Variants in MAX observed in about 807,000 individuals in gnomAD.
MAX encodes the protein MYC associated transcriptional regulator X.
A neutral mutation model predicts 22.3 loss-of-function variants in MAX; 3 were observed. The ratio of observed to expected loss-of-function variants is 0.13; its 90% confidence interval spans 0.06 to 0.35. The LOEUF (loss-of-function observed/expected upper bound fraction) is 0.35, where lower values mean the gene tolerates loss of function less well. Among genes scored for constraint, MAX ranks in the 10% least tolerant of loss-of-function variants. MAX has a pLI of 1.00. For missense variants in MAX, 119 were observed against 209.4 expected (o/e 0.57, Z 2.66); for synonymous variants, 72 against 77.7 (o/e 0.93, Z 0.39).
intron 3 of MAX, among the ~76,000 whole-genome samples, chr14:65,008,154 C>T (rs2061625374): frequency 6.6e-6 from 1 of 152,190 alleles, no homozygotes; most frequent in Non-Finnish European, 1.5e-5. Context: ...TGCTTACATG[C>T]CAGGTGCTTA....
Position 65,029,980 on chromosome 14 carries a change from T to C in MAX, c.172-23696A>G, listed in dbSNP as rs1208010515. ...CAAGGATGGAAAGTTAGTGGACAAA[T>C]TCAAATTTGAGAGCTGCGATGACTG... On this transcript the variant is annotated intron_variant, in intron 3 of 3. Coordinates refer to the MAX transcript ENST00000341653. This position sits in a 1 kb window ranked among gnomAD's most constrained non-coding sequence, Gnocchi z 4.7. Among the ~76,000 whole-genome samples, 2 of 152,118 alleles carry C rather than the reference T, an allele frequency of 1.3e-5. No homozygotes were observed. The highest frequency in any genetic ancestry group is 2.9e-5 in the Non-Finnish European group (2 of 68,018).
rs1382828229 is a variant in MAX, at chr14:65,029,172, T to C, written c.172-22888A>G. ...CTGCCATTCGTGCCCGTGCTTTCTA[T>C]TTACATAAAGGATTAAAGATATGAA... On this transcript the variant is annotated intron_variant, in intron 3 of 3. Coordinates refer to the MAX transcript ENST00000341653. The surrounding 1 kb of genome is among the most constrained non-coding windows in gnomAD (Gnocchi z 4.7). 6.6e-6 allele frequency among the ~76,000 whole-genome samples: 1 copy of C among 152,194 alleles called. No individual in the cohort carries two copies. The highest frequency in any genetic ancestry group is 2.4e-5 in the African/African-American group (1 of 41,446).
rs1354176739 is a variant in MAX, at chr14:65,032,917, C to G, written c.172-26633G>C. On this transcript the variant is annotated intron_variant, in intron 3 of 3. Transcript: ENST00000341653. This position sits in a 1 kb window ranked among gnomAD's most constrained non-coding sequence, Gnocchi z 5.0. ...ATTTTAGATTGGCAAAGATAAAAAACTTTGGTAAACAATATTAGTGAGAGC... is the reference window on the plus strand; with the variant it reads ...ATTTTAGATTGGCAAAGATAAAAAAGTTTGGTAAACAATATTAGTGAGAGC... Among the ~76,000 whole-genome samples the G allele has an allele frequency of 6.6e-6, 1 of 150,750 alleles. No homozygotes were observed. The highest frequency in any genetic ancestry group is 6.6e-5 in the Admixed American group (1 of 15,106).
At chr14:65,035,141 C>T (rs986731749) in intron 3 of MAX, among the ~76,000 whole-genome samples, 1 of 152,244 alleles carries the variant, frequency 6.6e-6, no homozygotes, top group African/African-American at 2.4e-5. Flanking sequence ...CAGCCTGCAT[C>T]TTCCTGCCAG....
chr14:65,033,050 GGA>G (rs1246108778), intron 3 of MAX, among the ~76,000 whole-genome samples: 1 of 152,134 alleles, frequency 6.6e-6, no homozygotes. Flanking sequence ...CACACGAATG[GGA>G]GAGAGGAGCA....
In MAX at chr14:65,077,138, A is replaced by G. The variant is rs2063080667; in HGVS notation, c.296-475T>C. On this transcript the variant is annotated intron_variant, in intron 4 of 4. Coordinates refer to ENST00000358664, the MANE Select transcript of MAX (RefSeq NM_002382.5). The surrounding 1 kb of genome is among the most constrained non-coding windows in gnomAD (Gnocchi z 6.3). ...ATCCACTTGGAATGACAAGCTGGAC[A>G]CTTGGAAGCAAGTCACCAATACACA... is the stretch of plus-strand genomic sequence containing the variant. 1 of 603,168 alleles carries G rather than the reference A, an allele frequency of 1.7e-6. No homozygotes were observed. The highest frequency in any genetic ancestry group is 2.9e-6 in the Non-Finnish European group (1 of 342,436). 37.4% of individuals were successfully genotyped at this position (603,168 alleles called of 1,614,324 possible).
rs1491563278 is a variant in MAX, at chr14:65,031,978, ACG to A, written c.172-25696_172-25695del. On this transcript the variant is annotated intron_variant, in intron 3 of 3. Transcript: ENST00000341653. This position sits in a 1 kb window ranked among gnomAD's most constrained non-coding sequence, Gnocchi z 4.6. Reference sequence around the variant, plus strand: ...TATAGACGTGCGCCTTTTTCATTTAACGTGTGTGTGTGTGTGTGTGTGTGTGT... The same window carrying A: ...TATAGACGTGCGCCTTTTTCATTTAATGTGTGTGTGTGTGTGTGTGTGTGT... 1.8e-5 allele frequency among the ~76,000 whole-genome samples: 2 copies of A among 111,552 alleles called. No individual in the cohort carries two copies. The highest frequency in any genetic ancestry group is 2.8e-4 in the South Asian group (1 of 3,574). The allele number at this position is 111,552 out of a possible 152,430, so 73.2% of individuals were successfully genotyped here. A position where few individuals can be genotyped will look rare whatever the true frequency, so the allele number is the denominator to read the frequency against.
In MAX at chr14:65,009,792, C is replaced by G. The variant is rs2061655879; in HGVS notation, c.172-3508G>C. Among the ~76,000 whole-genome samples, 1 of 152,180 alleles carries G rather than the reference C, an allele frequency of 6.6e-6. No individual in the cohort carries two copies. Among genetic ancestry groups the G allele is most frequent in the Non-Finnish European group, 1.5e-5 (1 of 68,050 alleles). On this transcript the variant is annotated intron_variant, in intron 3 of 3. Transcript: ENST00000341653. The surrounding 1 kb of genome is among the most constrained non-coding windows in gnomAD (Gnocchi z 4.2). ...TAACTCATGTCTTTCCAGCCTTAAACTCAATGCTCTTCCCTTTGGGAAGAG... is the reference window on the plus strand; with the variant it reads ...TAACTCATGTCTTTCCAGCCTTAAAGTCAATGCTCTTCCCTTTGGGAAGAG...
chr14:65,070,359 C>A (rs1370241688), downstream of MAX, among the ~76,000 whole-genome samples: 2 of 152,122 alleles, frequency 1.3e-5, no homozygotes, highest in Non-Finnish European at 2.9e-5. The surrounding 1 kb of genome is among the most constrained non-coding windows in gnomAD (Gnocchi z 4.4). Flanking sequence ...TCTTCTCTAG[C>A]CTTTAATTTA....
rs181787772 is a variant in MAX at position 65,056,859 on chromosome 14, T to C, written c.171+36849A>G. ...CTAGGTAATGTATAAAGACAAGAGG[T>C]TTATTTAGCTCATGGTTCTATAGAC... is the stretch of plus-strand genomic sequence containing the variant. On this transcript the variant is annotated intron_variant, in intron 3 of 3. Coordinates refer to the MAX transcript ENST00000341653. 2.4e-3 allele frequency among the ~76,000 whole-genome samples: 361 copies of C among 152,264 alleles called. 4 individuals carry two copies. The highest frequency in any genetic ancestry group is 8.3e-3 in the African/African-American group (344 of 41,536).
chr14:65,033,443 A>G (rs1431554849), intron 3 of MAX, among the ~76,000 whole-genome samples: 8 of 152,254 alleles, frequency 5.3e-5, no homozygotes, highest in Non-Finnish European at 1.2e-4. Context: ...CTTCAGCTGT[A>G]ATAGTTAACA....
intron 3 of MAX, among the ~76,000 whole-genome samples, chr14:65,085,505 A>C (rs544538407): frequency 6.6e-6 from 1 of 152,278 alleles, no homozygotes; most frequent in Non-Finnish European, 1.5e-5. Flanking sequence ...CTCTTGGGGG[A>C]GTGAGACCTC....
Position 65,084,240 on chromosome 14 carries a change from C to G in MAX, c.172-6204G>C, listed in dbSNP as rs746011120. ...AGCTTGAAATGAAGGTGTGGCATTTCTGCATCAAACTTTGACGATGAAGGA... is the reference window on the plus strand; with the variant it reads ...AGCTTGAAATGAAGGTGTGGCATTTGTGCATCAAACTTTGACGATGAAGGA... On this transcript the variant is annotated intron_variant, in intron 3 of 4. Coordinates refer to ENST00000358664, the MANE Select transcript of MAX (RefSeq NM_002382.5). This position sits in a 1 kb window ranked among gnomAD's most constrained non-coding sequence, Gnocchi z 4.3. 3 of 1,614,062 alleles carry G rather than the reference C, an allele frequency of 1.9e-6. No individual in the cohort carries two copies. The highest frequency in any genetic ancestry group is 1.3e-5 in the African/African-American group (1 of 75,004).
At chr14:65,068,800 TA>T (rs1329719204) in intron 3 of MAX, among the ~76,000 whole-genome samples, 2 of 152,222 alleles carry the variant, frequency 1.3e-5, no homozygotes, top group Non-Finnish European at 2.9e-5. Flanking sequence ...TTCAGTATAC[TA>T]TTCTCTCAAC....
At chr14:65,033,941 A>T (rs1207939126) in intron 3 of MAX, among the ~76,000 whole-genome samples, 1 of 152,200 alleles carries the variant, frequency 6.6e-6, no homozygotes, top group Non-Finnish European at 1.5e-5. Context: ...AGTTAAAAAA[A>T]TTTTATTTTT....
At chr14:65,101,302 T>C (rs747435410) in intron 2 of MAX, among the ~76,000 whole-genome samples, 15 of 152,170 alleles carry the variant, frequency 9.9e-5, no homozygotes, top group Non-Finnish European at 1.6e-4. Flanking sequence ...TACAGAACAA[T>C]TCAATTCTTT....
intron 3 of MAX, chr14:65,089,881 A>G (rs1390800617): frequency 2.1e-5 from 3 of 143,972 alleles, no homozygotes; most frequent in Non-Finnish European, 3.0e-5. Context: ...ATTCCATCCT[A>G]TTGTTCCCAG....
intron 3 of MAX, among the ~76,000 whole-genome samples, chr14:65,089,084 G>GACCCAACAACAGA (rs2063423562): frequency 6.6e-6 from 1 of 152,184 alleles, no homozygotes; most frequent in Non-Finnish European, 1.5e-5. Flanking sequence ...AGACCCTCAA[G>GACCCAACAACAGA]GGTAGACACC....
chr14:65,022,284 GTT>G lies in MAX; in HGVS notation c.172-16002_172-16001del, dbSNP rs34044534. Among the ~76,000 whole-genome samples, 969 of 144,026 alleles carry G rather than the reference GTT, an allele frequency of 6.7e-3. 18 individuals are homozygous for G. The highest frequency in any genetic ancestry group is 0.045 in the South Asian group (208 of 4,600). 94.5% of individuals were successfully genotyped at this position (144,026 alleles called of 152,430 possible). A position where few individuals can be genotyped will look rare whatever the true frequency, so the allele number is the denominator to read the frequency against. On this transcript the variant is annotated intron_variant, in intron 3 of 3. Transcript: ENST00000341653. ...TTCCAAAGCTGTAATCTTTTTTTCT[GTT>G]TTTTTTTTTTTAAACCTGCCCAATT...
Sources: gnomAD v4.1 joint callset for allele counts (sites outside exome capture counted in the v4.1 genomes callset) on GRCh38, gnomAD v4.1.1 for gene constraint, Gnocchi (gnomAD v3.1) non-coding constraint, MANE v1.5 for transcripts, NCBI Gene and HGNC (gene_info 2026-07-23, HGNC 2026-07-21) for gene names.